DLGAP2: variants seen among roughly 807,000 people sequenced by gnomAD.
DLGAP2 encodes the protein disks large-associated protein 2.
Under a neutral mutation model 100.3 loss-of-function variants are expected in DLGAP2, and 26 were observed. The observed-to-expected ratio is 0.26, with a 90% CI of 0.19 to 0.36. The LOEUF is 0.36. Ranked by LOEUF, DLGAP2 falls within the 10% of genes least tolerant of loss-of-function variation. The pLI, the probability that DLGAP2 is intolerant of heterozygous loss-of-function variation, is 1.00. For missense variants in DLGAP2, 1,858 were observed against 1,453.2 expected, an observed-to-expected ratio of 1.28 and a Z score of -4.53; for synonymous variants, 886 against 630.1, an observed-to-expected ratio of 1.41 and a Z score of -6.08.
Position 1,690,948 on chromosome 8 carries a change from C to T in DLGAP2, c.2705-587C>T, listed in dbSNP as rs114123027. 7.6e-3 allele frequency among the ~76,000 whole-genome samples: 1,161 copies of T among 152,178 alleles called. 21 individuals are homozygous for T. The highest frequency in any genetic ancestry group is 0.026 in the African/African-American group (1,089 of 41,502). On this transcript the variant is annotated intron_variant, in intron 12 of 14. Transcript: ENST00000637795. ...TCTCCAGGAGGGAAGCCACATCTTC[C>T]TACGTGCTACGACCTTCCTGTGAGG...
At chr8:1,077,545 G>T (rs1276362850) in intron 2 of DLGAP2, among the ~76,000 whole-genome samples, 2 of 152,208 alleles carry the variant, frequency 1.3e-5, no homozygotes, top group African/African-American at 4.8e-5. Context: ...CTGTCTACCA[G>T]AGGTACTTCA....
chr8:954,883 G>A (rs1482934739), intron 2 of DLGAP2, among the ~76,000 whole-genome samples: 1 of 152,158 alleles, frequency 6.6e-6, no homozygotes, highest in African/African-American at 2.4e-5. Context: ...GTGTTAGTTT[G>A]CTGTGTCTAA....
At chr8:1,515,053 A>G (rs1327751209) in intron 4 of DLGAP2, among the ~76,000 whole-genome samples, 2 of 152,024 alleles carry the variant, frequency 1.3e-5, no homozygotes, top group African/African-American at 2.4e-5. Flanking sequence ...GTGCAGGGAT[A>G]CCGATCCCTG....
At chr8:1,321,515 A>G (rs1326234864) in intron 3 of DLGAP2, among the ~76,000 whole-genome samples, 1 of 152,186 alleles carries the variant, frequency 6.6e-6, no homozygotes, top group Admixed American at 6.5e-5. Flanking sequence ...CTTGGCTGTC[A>G]TGGGAGGACT....
intron 4 of DLGAP2, among the ~76,000 whole-genome samples, chr8:1,535,758 C>T (rs141537670): frequency 6.6e-6 from 1 of 152,238 alleles, no homozygotes; most frequent in Non-Finnish European, 1.5e-5. Context: ...TCTCACATAT[C>T]TCCACTTAGG....
chr8:1,629,009 C>T (rs552627274), intron 7 of DLGAP2, among the ~76,000 whole-genome samples: 2 of 152,348 alleles, frequency 1.3e-5, no homozygotes, highest in Non-Finnish European at 1.5e-5. Flanking sequence ...ACCATGATAA[C>T]AATAAGTAAT....
Position 1,680,267 on chromosome 8 carries a change from G to C in DLGAP2, c.2704+1638G>C, listed in dbSNP as rs768953300. 4.9e-4 allele frequency among the ~76,000 whole-genome samples: 75 copies of C among 152,226 alleles called. 2 individuals are homozygous for C. Among genetic ancestry groups the C allele is most frequent in the South Asian group, 2.1e-4 (1 of 4,820 alleles). Reference sequence around the variant, plus strand: ...CTTCAAAAGGATAGCTGAGATCCTTGGGAATTTGTCCCTGACATTTCATTT... The same window carrying C: ...CTTCAAAAGGATAGCTGAGATCCTTCGGAATTTGTCCCTGACATTTCATTT... On this transcript the variant is annotated intron_variant, in intron 12 of 14. Transcript: ENST00000637795.
At chr8:1,222,099 G>A (rs1798325362) in intron 2 of DLGAP2, among the ~76,000 whole-genome samples, 1 of 152,168 alleles carries the variant, frequency 6.6e-6, no homozygotes, top group East Asian at 1.9e-4. Flanking sequence ...ATTTCAATCT[G>A]GTGAAGAAAC....
chr8:1,212,761 T>C (rs908317436), intron 2 of DLGAP2, among the ~76,000 whole-genome samples: 3 of 117,874 alleles, frequency 2.5e-5, no homozygotes, highest in East Asian at 5.1e-4. Context: ...CTCTCTCTCT[T>C]CCCCCCCGCC....
At chr8:1,119,471 T>A (rs904525969) in intron 2 of DLGAP2, among the ~76,000 whole-genome samples, 2 of 152,214 alleles carry the variant, frequency 1.3e-5, no homozygotes, top group Non-Finnish European at 2.9e-5. Flanking sequence ...CATCAGTTCA[T>A]AAATGAGCAC....
chr8:1,173,862 G>A (rs759348648), intron 2 of DLGAP2, among the ~76,000 whole-genome samples: 15 of 152,202 alleles, frequency 9.9e-5, no homozygotes, highest in East Asian at 3.8e-4. Flanking sequence ...GCCCTGCTTC[G>A]GCTCCCGCAC....
intron 2 of DLGAP2, among the ~76,000 whole-genome samples, chr8:1,179,042 G>A (rs896762473): frequency 6.6e-6 from 1 of 152,236 alleles, no homozygotes; most frequent in Admixed American, 6.5e-5. Flanking sequence ...TCTATAAGGG[G>A]TTGAGTTTTA....
At chr8:767,745 A>C (rs1266916665) in intron 1 of DLGAP2, among the ~76,000 whole-genome samples, 1 of 152,156 alleles carries the variant, frequency 6.6e-6, no homozygotes, top group Non-Finnish European at 1.5e-5. Context: ...AGAATATTTG[A>C]GACACAGGCT....
intron 6 of DLGAP2, among the ~76,000 whole-genome samples, chr8:1,584,602 C>A (rs889229424): frequency 6.6e-6 from 1 of 152,164 alleles, no homozygotes; most frequent in South Asian, 2.1e-4. Flanking sequence ...GCACTCTGAT[C>A]GGTCCAGCCC....
intron 3 of DLGAP2, among the ~76,000 whole-genome samples, chr8:1,367,823 A>C (rs1043605083): frequency 1.3e-5 from 2 of 152,242 alleles, no homozygotes; most frequent in Non-Finnish European, 2.9e-5. Flanking sequence ...TGTATCACAA[A>C]TAGCAAGTTA....
chr8:1,501,815 C>A (rs1046349969), intron 4 of DLGAP2, among the ~76,000 whole-genome samples: 6 of 152,216 alleles, frequency 3.9e-5, no homozygotes, highest in Non-Finnish European at 8.8e-5. Flanking sequence ...AGCAGCTCAT[C>A]TCTCCAGCTG....
At position 1,182,948 on chromosome 8, in the gene DLGAP2, G is replaced by A. The variant is rs541709955; in HGVS notation, c.74-75903G>A. Among the ~76,000 whole-genome samples the A allele has an allele frequency of 8.3e-4, 126 of 152,270 alleles. 1 individual carries two copies. Among genetic ancestry groups the A allele is most frequent in the African/African-American group, 2.9e-3 (121 of 41,566 alleles). On this transcript the variant is annotated intron_variant, in intron 2 of 14. Transcript: ENST00000637795. Reference sequence around the variant, plus strand: ...CTGCGGTGGCATGGGTGGGAGACGCGCACCATGGAGCCGGTGGAAGGTAGA... The same window carrying A: ...CTGCGGTGGCATGGGTGGGAGACGCACACCATGGAGCCGGTGGAAGGTAGA...
intron 2 of DLGAP2, among the ~76,000 whole-genome samples, chr8:1,243,950 T>C (rs1798851905): frequency 6.6e-6 from 1 of 152,222 alleles, no homozygotes; most frequent in African/African-American, 2.4e-5. Context: ...CTCATCTACC[T>C]TCCAGCTCCC....
At chr8:1,204,683 T>C (rs1461882854) in intron 2 of DLGAP2, among the ~76,000 whole-genome samples, 1 of 152,038 alleles carries the variant, frequency 6.6e-6, no homozygotes, top group East Asian at 1.9e-4. Flanking sequence ...ATCCTTCTTG[T>C]GAGATCCTTG....
Sources: gnomAD v4.1 joint callset for allele counts (sites outside exome capture counted in the v4.1 genomes callset) on GRCh38, gnomAD v4.1.1 for gene constraint, MANE v1.5 for transcripts, NCBI Gene and HGNC (gene_info 2026-07-23, HGNC 2026-07-21) for gene names.